The following GNA12 variants were observed in gnomAD, a reference collection of about 807,000 sequenced individuals.
The protein encoded by GNA12 is guanine nucleotide-binding protein subunit alpha-12.
GNA12 carries 9 observed loss-of-function variants against 26.0 expected under a neutral mutation model. The observed-to-expected ratio is 0.35, with a 90% CI of 0.21 to 0.60. The LOEUF (loss-of-function observed/expected upper bound fraction) is 0.60. GNA12 is among the 20% of genes least tolerant of loss of function. The probability of loss-of-function intolerance (pLI) is 0.78; values close to 1 mark genes in which losing one functional copy is unlikely to be tolerated. For missense variants in GNA12, 405 were observed against 525.8 expected (o/e 0.77, Z 2.25); for synonymous variants, 264 against 219.6 (o/e 1.20, Z -1.79).
chr7:2,829,689 T>C (rs961104518), intron 1 of GNA12, among the ~76,000 whole-genome samples: 1 of 152,230 alleles, frequency 6.6e-6, no homozygotes, highest in Non-Finnish European at 1.5e-5. Context: ...GTTTTTCATC[T>C]GACTTTTGTG....
In GNA12 at chr7:2,794,991, C is replaced by T; in HGVS notation, c.462G>A (p.Leu154=). The T allele has an allele frequency of 6.2e-7, 1 of 1,614,228 alleles. No homozygotes were observed. The highest frequency in any genetic ancestry group is 8.5e-7 in the Non-Finnish European group (1 of 1,180,038). The change falls in exon 2 of 4, where the codon CTG becomes CTA. Residue 154 remains leucine, a synonymous_variant. Transcript: ENST00000275364. ...PATFQLYVPA[L]SALWRDSGIR... The stretch of plus-strand genomic sequence containing the variant: ...TGCCAGAATCCCTCCAGAGTGCGCT[C>T]AGGGCCGGGACGTACAGCTGGAAGG...
chr7:2,835,556 G>A (rs576952693), intron 1 of GNA12: 5 of 490,694 alleles, frequency 1.0e-5, no homozygotes, highest in South Asian at 2.6e-5. Flanking sequence ...ATTCTGGGCC[G>A]ACAGGGAGCA....
At chr7:2,791,019 G>C (rs1792504654) in intron 2 of GNA12, among the ~76,000 whole-genome samples, 1 of 150,890 alleles carries the variant, frequency 6.6e-6, no homozygotes, top group Middle Eastern at 3.2e-3. Flanking sequence ...ATACTCAAAA[G>C]TAGATAATTC....
intron 2 of GNA12, among the ~76,000 whole-genome samples, chr7:2,788,901 A>T (rs1243108316): frequency 6.6e-6 from 1 of 151,888 alleles, no homozygotes; most frequent in African/African-American, 2.4e-5. Flanking sequence ...GCTCACTGCA[A>T]CCTCCATCCC....
chr7:2,806,996 C>A (rs781332095), intron 1 of GNA12, among the ~76,000 whole-genome samples: 1 of 152,204 alleles, frequency 6.6e-6, no homozygotes, highest in Non-Finnish European at 1.5e-5. Flanking sequence ...CAGAAAGGTT[C>A]TGCCAATTTA....
chr7:2,735,748 T>C (rs935859579), intron 2 of GNA12, among the ~76,000 whole-genome samples: 1 of 152,186 alleles, frequency 6.6e-6, no homozygotes, highest in African/African-American at 2.4e-5. Flanking sequence ...TCATCTTGCA[T>C]GAGTGGCGGA....
chr7:2,733,379 GGAC>G, intron 3 of GNA12, 69 bp downstream of exon 3: 1 of 1,239,628 alleles, frequency 8.1e-7, no homozygotes, highest in African/African-American at 1.7e-5. Flanking sequence ...CTCACAACGT[GGAC>G]TGCTTTGGTC....
intron 1 of GNA12, chr7:2,814,500 A>C (rs1200479964): frequency 1.3e-6 from 1 of 758,976 alleles, no homozygotes; most frequent in Non-Finnish European, 2.3e-6. Flanking sequence ...TCAAAGACAC[A>C]AACCAAGACT....
intron 2 of GNA12, among the ~76,000 whole-genome samples, chr7:2,745,442 TA>T (rs1271717697): frequency 1.3e-5 from 2 of 152,144 alleles, no homozygotes; most frequent in Admixed American, 6.5e-5. Flanking sequence ...GAAGGAGAAA[TA>T]AAATACTTTA....
intron 2 of GNA12, among the ~76,000 whole-genome samples, chr7:2,767,887 C>G (rs1225299147): frequency 6.6e-6 from 1 of 152,216 alleles, no homozygotes; most frequent in Non-Finnish European, 1.5e-5. Flanking sequence ...GACGGAGTCA[C>G]TCTGTCACCC....
At chr7:2,792,822 C>A (rs1477156531) in intron 2 of GNA12, among the ~76,000 whole-genome samples, 2 of 152,164 alleles carry the variant, frequency 1.3e-5, no homozygotes, top group East Asian at 3.8e-4. Context: ...CCTTAAGATG[C>A]CCTGGAGGAC....
At chr7:2,780,082 A>ATATATATG (rs1792190116) in intron 2 of GNA12, among the ~76,000 whole-genome samples, 1 of 106,686 alleles carries the variant, frequency 9.4e-6, no homozygotes, top group Non-Finnish European at 2.1e-5. Flanking sequence ...ATATATATAT[A>ATATATATG]TATATATATA....
chr7:2,800,724 G>A (rs1364374356), intron 1 of GNA12, among the ~76,000 whole-genome samples: 2 of 152,172 alleles, frequency 1.3e-5, no homozygotes, highest in African/African-American at 4.8e-5. Context: ...GGCCTCAGAC[G>A]GAGCTTTCCG....
chr7:2,834,538 A>C (rs1778773707), intron 1 of GNA12, among the ~76,000 whole-genome samples: 1 of 152,152 alleles, frequency 6.6e-6, no homozygotes, highest in South Asian at 2.1e-4. Context: ...TGCCGTGGAG[A>C]TTTTGTTGAA....
chr7:2,740,192 G>C (rs1340624340), intron 2 of GNA12, among the ~76,000 whole-genome samples: 2 of 152,054 alleles, frequency 1.3e-5, no homozygotes, highest in African/African-American at 4.8e-5. Flanking sequence ...GGCATTTCCT[G>C]GTGATCTTTT....
intron 2 of GNA12, 47 bp downstream of exon 2, chr7:2,794,881 T>TA (rs757901134): frequency 1.8e-5 from 24 of 1,354,034 alleles, no homozygotes; most frequent in Admixed American, 1.4e-4. Flanking sequence ...AATAGTCATG[T>TA]AAAAAACACA....
chr7:2,828,372 C>T (rs933118874), intron 1 of GNA12, among the ~76,000 whole-genome samples: 5 of 152,178 alleles, frequency 3.3e-5, no homozygotes, highest in African/African-American at 2.4e-5. Context: ...TTTTCAGAGA[C>T]AGGGTCTCAC....
At chr7:2,830,949 T>C (rs1793591562) in intron 1 of GNA12, among the ~76,000 whole-genome samples, 3 of 138,064 alleles carry the variant, frequency 2.2e-5, no homozygotes, top group Admixed American at 1.5e-4. Flanking sequence ...TCAAAAAAAT[T>C]AATGAAAAAA....
At position 2,737,287 on chromosome 7, in the gene GNA12, T is replaced by G. The variant is rs1488488212; in HGVS notation, c.526-3786A>C. Among the ~76,000 whole-genome samples the G allele has an allele frequency of 2.0e-4, 8 of 39,310 alleles. 1 individual carries two copies. In the East Asian group the frequency reaches 3.5e-3, roughly 17 times the overall value. 25.8% of individuals were successfully genotyped at this position (39,310 alleles called of 152,430 possible). A position where few individuals can be genotyped will look rare whatever the true frequency, so the allele number is the denominator to read the frequency against. ...CAGTTTTGTTTTGTTTTTTTTTTTT[T>G]TGTTTTTTTTTTTTTTTTTGAGATG... is the stretch of plus-strand genomic sequence containing the variant. On this transcript the variant is annotated intron_variant, in intron 2 of 3. Transcript: ENST00000275364.
Sources: gnomAD v4.1 joint callset for allele counts (sites outside exome capture counted in the v4.1 genomes callset) on GRCh38, gnomAD v4.1.1 for gene constraint, MANE v1.5 for transcripts, NCBI Gene and HGNC (gene_info 2026-07-23, HGNC 2026-07-21) for gene names.